SMYD4: variants seen among roughly 807,000 people sequenced by gnomAD.
The protein encoded by SMYD4 is SET and MYND domain containing 4.
Under a neutral mutation model 72.8 loss-of-function variants are expected in SMYD4, and 68 were observed. That is an observed-to-expected ratio of 0.93 (90% CI 0.77 to 1.14). SMYD4 has a LOEUF of 1.14. Ranked by LOEUF, SMYD4 falls within the 50% of genes most tolerant of loss-of-function variation. The probability of loss-of-function intolerance (pLI) is 0.00; values close to 1 mark genes in which losing one functional copy is unlikely to be tolerated. For missense variants in SMYD4, 984 were observed against 1,003.7 expected, an observed-to-expected ratio of 0.98 and a Z score of 0.27; for synonymous variants, 407 against 388.6, an observed-to-expected ratio of 1.05 and a Z score of -0.56.
chr17:1,786,042 T>C (rs1567765401), intron 7 of SMYD4, among the ~76,000 whole-genome samples: 1 of 152,258 alleles, frequency 6.6e-6, no homozygotes, highest in Admixed American at 6.5e-5. Context: ...CCCATGGCCC[T>C]TGCCCTACAG....
intron 1 of SMYD4, among the ~76,000 whole-genome samples, chr17:1,828,521 T>C (rs1911326683): frequency 6.6e-6 from 1 of 151,862 alleles, no homozygotes; most frequent in Admixed American, 6.6e-5. Flanking sequence ...AAGACTACTT[T>C]GTCACAGGCA....
intron 4 of SMYD4, among the ~76,000 whole-genome samples, chr17:1,803,947 C>T (rs1351564040): frequency 1.3e-5 from 2 of 150,726 alleles, no homozygotes; most frequent in Admixed American, 6.6e-5. Context: ...GCGATCTGGG[C>T]TCACTGCAAC....
At chr17:1,798,137 A>ATT (rs935240097) in intron 5 of SMYD4, among the ~76,000 whole-genome samples, 10 of 142,260 alleles carry the variant, frequency 7.0e-5, no homozygotes, top group African/African-American at 2.1e-4. Flanking sequence ...TTGTGCATGT[A>ATT]TTTTTTTTTT....
At chr17:1,820,042 C>T (rs1337960121) in intron 2 of SMYD4, among the ~76,000 whole-genome samples, 3 of 152,288 alleles carry the variant, frequency 2.0e-5, no homozygotes, top group African/African-American at 7.2e-5. Flanking sequence ...CCTGCCTTGG[C>T]TTCCCAAAGG....
rs1324313550 is a variant in SMYD4, at chr17:1,800,242, G to T, written c.1152C>A (p.Ser384Arg). The T allele has an allele frequency of 6.2e-7, 1 of 1,614,000 alleles. No individual in the cohort carries two copies. The highest frequency in any genetic ancestry group is 1.7e-5 in the Admixed American group (1 of 59,972). The change falls in exon 5 of 11, where the codon AGC becomes AGA. Residue 384 changes from serine to arginine, a missense_variant. Ser to Arg is a moderately radical substitution (Grantham distance 110, BLOSUM62 -1). Transcript: ENST00000305513. The stretch of plus-strand genomic sequence containing the variant: ...AATTAAGTGTCTTGACCTGATTGTT[G>T]CTTTCAGGTAAACAGATGTCCTTGT... ...ISNKDICLPE[S>R]NNQVKTLNYG...
rs1054276704 is a variant in SMYD4, at chr17:1,800,880, T to G, written c.514A>C (p.Asn172His). ...GCTAGGGCTGGTGTGGCTGTGAAGT[T>G]CCTTTCAAGATCACTGATGGTCTGG... ...ASQTISDLER[N>H]FTATPALADV... Residue 172 changes from asparagine (N) to histidine (H), a missense_variant, in exon 5 of 11, where the codon AAC becomes CAC. Transcript: ENST00000305513. The G allele has an allele frequency of 6.2e-7, 1 of 1,614,076 alleles. No homozygotes were observed. Among genetic ancestry groups the G allele is most frequent in the Non-Finnish European group, 8.5e-7 (1 of 1,180,044 alleles).
intron 6 of SMYD4, among the ~76,000 whole-genome samples, 172 bp downstream of exon 6, chr17:1,787,250 G>A (rs1000247695): frequency 6.6e-6 from 1 of 152,184 alleles, no homozygotes; most frequent in Non-Finnish European, 1.5e-5. Flanking sequence ...GCCCTAGCAC[G>A]AAGGCCATTC....
At chr17:1,825,277 T>C (rs151060402) in intron 2 of SMYD4, among the ~76,000 whole-genome samples, 19 of 152,292 alleles carry the variant, frequency 1.2e-4, no homozygotes, top group Admixed American at 7.2e-4. Context: ...ACAAAATCAA[T>C]TGGAGATGTA....
chr17:1,806,993 C>A (rs1910065789), intron 3 of SMYD4, among the ~76,000 whole-genome samples: 1 of 151,782 alleles, frequency 6.6e-6, no homozygotes, highest in African/African-American at 2.4e-5. Flanking sequence ...CGGGTTCAAG[C>A]GATTCTCCAG....
chr17:1,790,742 T>A (rs1908974842), intron 5 of SMYD4, among the ~76,000 whole-genome samples: 1 of 151,904 alleles, frequency 6.6e-6, no homozygotes, highest in African/African-American at 2.4e-5. Flanking sequence ...GTCTCGAACT[T>A]CTGACCTCGT....
At chr17:1,785,132 C>T (rs538280260) in intron 7 of SMYD4, among the ~76,000 whole-genome samples, 1 of 148,780 alleles carries the variant, frequency 6.7e-6, no homozygotes, top group Non-Finnish European at 1.5e-5. Context: ...CCTCAGAAAA[C>T]CAATAGAAGG....
chr17:1,799,261 A>C (rs1285301839), intron 5 of SMYD4, among the ~76,000 whole-genome samples: 1 of 144,782 alleles, frequency 6.9e-6, no homozygotes, highest in Non-Finnish European at 1.5e-5. Context: ...ACTCCGTCTC[A>C]AAAAAAAAAA....
chr17:1,794,105 A>ATATTTT lies in SMYD4; in HGVS notation c.1537+5751_1537+5752insAAAATA, dbSNP rs1291818005. ...TGTATATATATATATATATATATATATTTTTTTTTTTTTTTTTTTTTTGAG... is the reference window on the plus strand; with the variant it reads ...TGTATATATATATATATATATATATATATTTTTTTTTTTTTTTTTTTTTTTTTTGAG... On this transcript the variant is annotated intron_variant, in intron 5 of 10. Transcript: ENST00000305513. Among the ~76,000 whole-genome samples the ATATTTT allele has an allele frequency of 6.2e-4, 8 of 12,990 alleles. 1 individual carries two copies. Among genetic ancestry groups the ATATTTT allele is most frequent in the Non-Finnish European group, 1.1e-3 (8 of 7,264 alleles). The allele number at this position is 12,990 out of a possible 152,430, so 8.5% of individuals were successfully genotyped here.
chr17:1,788,630 A>G (rs1443052129), intron 5 of SMYD4, among the ~76,000 whole-genome samples: 1 of 152,024 alleles, frequency 6.6e-6, no homozygotes, highest in East Asian at 1.9e-4. Flanking sequence ...CTGTAGTCCC[A>G]GCTACTCAGG....
chr17:1,794,040 T>TATATATATATGC (rs1909223726), intron 5 of SMYD4, among the ~76,000 whole-genome samples: 1 of 41,736 alleles, frequency 2.4e-5, no homozygotes, highest in Non-Finnish European at 5.6e-5. Flanking sequence ...TATATATGTA[T>TATATATATATGC]GTATATATAT....
intron 4 of SMYD4, among the ~76,000 whole-genome samples, chr17:1,802,992 A>T (rs1909845620): frequency 6.6e-6 from 1 of 152,150 alleles, no homozygotes; most frequent in African/African-American, 2.4e-5. Context: ...TCTCTACTTA[A>T]AATTAGCCGG....
rs775905860 is a variant in SMYD4 at position 1,781,368 on chromosome 17, C to T, written c.2333G>A (p.Trp778Ter). 14 of 1,614,102 alleles carry T rather than the reference C, an allele frequency of 8.7e-6. No homozygotes were observed. Among genetic ancestry groups the T allele is most frequent in the Non-Finnish European group, 1.2e-5 (14 of 1,180,036 alleles). ...EEVLSLHCGP[W>*]DDEIQELQKM... ...CTGGAGCTCCTGGATTTCATCGTCCCATGGGCCACAGTGCAGCGACAGAAC... is the reference window on the plus strand; with the variant it reads ...CTGGAGCTCCTGGATTTCATCGTCCTATGGGCCACAGTGCAGCGACAGAAC... The change falls in exon 11 of 11, where the codon TGG becomes TAG. Residue 778 changes from tryptophan (W) to a stop codon, truncating the protein, a stop_gained. Coordinates refer to ENST00000305513, the MANE Select transcript of SMYD4 (RefSeq NM_052928.3). LOFTEE classifies it high-confidence loss of function.
chr17:1,797,763 A>G (rs991169852), intron 5 of SMYD4, among the ~76,000 whole-genome samples: 2 of 152,060 alleles, frequency 1.3e-5, no homozygotes, highest in Non-Finnish European at 2.9e-5. Context: ...GCACTTTGGG[A>G]GGCCAAGGTG....
intron 2 of SMYD4, among the ~76,000 whole-genome samples, chr17:1,813,074 G>A (rs924383054): frequency 2.0e-5 from 3 of 152,272 alleles, no homozygotes; most frequent in Middle Eastern, 6.8e-3. Flanking sequence ...GAGTAGCGGG[G>A]ATTACAGGCA....
Sources: gnomAD v4.1 joint callset for allele counts (sites outside exome capture counted in the v4.1 genomes callset) on GRCh38, gnomAD v4.1.1 for gene constraint, MANE v1.5 for transcripts, NCBI Gene and HGNC (gene_info 2026-07-23, HGNC 2026-07-21) for gene names.